Variants in TLK1 observed in about 807,000 individuals in gnomAD.
TLK1 encodes the protein serine/threonine-protein kinase tousled-like 1.
Under a neutral mutation model 105.3 loss-of-function variants are expected in TLK1, and 24 were observed. The observed-to-expected ratio is 0.23, with a 90% confidence interval of 0.17 to 0.32. TLK1 has a LOEUF of 0.32. Among genes scored for constraint, TLK1 ranks in the 10% least tolerant of loss-of-function variants. TLK1 has a pLI of 1.00. For synonymous variants in TLK1, 321 were observed against 310.4 expected, an observed-to-expected ratio of 1.03 and a Z score of -0.36; for missense variants, 558 against 910.5, an observed-to-expected ratio of 0.61 and a Z score of 4.98.
At chr2:171,080,888 T>C (rs1688721591) in intron 3 of TLK1, among the ~76,000 whole-genome samples, 1 of 152,074 alleles carries the variant, frequency 6.6e-6, no homozygotes, top group African/African-American at 2.4e-5. Context: ...TTTGTGTTTC[T>C]TGTAGAAATG....
At chr2:171,033,451 G>A (rs969368420) in intron 11 of TLK1, among the ~76,000 whole-genome samples, 2 of 151,556 alleles carry the variant, frequency 1.3e-5, no homozygotes, top group Non-Finnish European at 2.9e-5. Flanking sequence ...GCAAAAGGTG[G>A]GGTTGGTTAA....
At chr2:170,994,774 TATAA>T (rs1315370665) in intron 20 of TLK1, 2 of 480,354 alleles carry the variant, frequency 4.2e-6, no homozygotes, top group African/African-American at 4.0e-5. Flanking sequence ...TTGAATTTTA[TATAA>T]ATAGAATTAT....
chr2:171,094,381 G>C (rs923702270), intron 2 of TLK1, among the ~76,000 whole-genome samples: 4 of 151,898 alleles, frequency 2.6e-5, no homozygotes, highest in African/African-American at 9.7e-5. Context: ...GTTTTCAGAA[G>C]GGAGGAAACA....
chr2:171,211,110 A>G (rs1158208605), intron 1 of TLK1, among the ~76,000 whole-genome samples: 6 of 152,200 alleles, frequency 3.9e-5, no homozygotes, highest in African/African-American at 1.4e-4. Context: ...GCCCCATGTT[A>G]CATTCTTAGA....
At chr2:171,126,941 A>G (rs994403641) in intron 1 of TLK1, among the ~76,000 whole-genome samples, 73 of 152,066 alleles carry the variant, frequency 4.8e-4, no homozygotes, top group East Asian at 7.7e-4. Context: ...CCTTTTCATT[A>G]GTTTTTTTTA....
At chr2:171,047,512 T>C (rs576999591) in intron 10 of TLK1, among the ~76,000 whole-genome samples, 29 of 152,106 alleles carry the variant, frequency 1.9e-4, no homozygotes, top group African/African-American at 4.6e-4. Context: ...CAGAATATGA[T>C]AGGAGTGAAA....
chr2:171,216,393 A>G (rs906963634), intron 1 of TLK1, among the ~76,000 whole-genome samples: 14 of 152,120 alleles, frequency 9.2e-5, no homozygotes, highest in Non-Finnish European at 1.3e-4. Context: ...GGAGAATGGC[A>G]TGAACCCGGG....
chr2:171,194,501 A>G (rs544527227), intron 1 of TLK1, among the ~76,000 whole-genome samples: 1 of 152,316 alleles, frequency 6.6e-6, no homozygotes, highest in African/African-American at 2.4e-5. Flanking sequence ...AGTGAAATAA[A>G]ATTTGAATAA....
intron 10 of TLK1, among the ~76,000 whole-genome samples, chr2:171,047,181 C>A (rs1474973443): frequency 3.3e-5 from 5 of 152,148 alleles, no homozygotes; most frequent in Non-Finnish European, 7.4e-5. Context: ...CGAATAGATA[C>A]CATGTCTATT....
chr2:171,002,354 G>A (rs1460254277), intron 18 of TLK1, among the ~76,000 whole-genome samples: 1 of 152,038 alleles, frequency 6.6e-6, no homozygotes, highest in Non-Finnish European at 1.5e-5. Context: ...CGCCTCCCGG[G>A]TTCATGCCAT....
rs536046568 is a variant in TLK1 at position 171,003,144 on chromosome 2, G to A, written c.1904+3003C>T. On this transcript the variant is annotated intron_variant, in intron 18 of 20. Transcript: ENST00000431350. Reference sequence around the variant, plus strand: ...AAAAAATTGGCCAGGTGTGGTGGCAGGTACCTGTGGTCCCGGCTGCTCAGG... The same window carrying A: ...AAAAAATTGGCCAGGTGTGGTGGCAAGTACCTGTGGTCCCGGCTGCTCAGG... 2.0e-5 allele frequency among the ~76,000 whole-genome samples: 3 copies of A among 151,728 alleles called. No individual in the cohort carries two copies. The South Asian group carries it at 6.3e-4, about 32-fold the overall frequency.
chr2:171,019,285 T>C (rs1285058996), intron 12 of TLK1, among the ~76,000 whole-genome samples: 1 of 152,202 alleles, frequency 6.6e-6, no homozygotes, highest in East Asian at 1.9e-4. Flanking sequence ...GCTGTAGCAA[T>C]GTAGAATTTC....
At chr2:171,160,990 A>G (rs1250561085), upstream of TLK1, 67 of 131,506 alleles carry the variant, frequency 5.1e-4, no homozygotes, top group African/African-American at 1.5e-3. This position sits in a 1 kb window ranked among gnomAD's most constrained non-coding sequence, Gnocchi z 4.4. Context: ...CGGCGGCGGC[A>G]GCGGCGGCCG....
intron 3 of TLK1, among the ~76,000 whole-genome samples, chr2:171,073,351 G>A (rs1311088300): frequency 6.6e-6 from 1 of 151,752 alleles, no homozygotes. Flanking sequence ...TTTTTTAAAG[G>A]GTAACATTTA....
At chr2:170,998,089 T>TCTATCTATCTAC (rs1334241211) in intron 18 of TLK1, among the ~76,000 whole-genome samples, 2 of 101,718 alleles carry the variant, frequency 2.0e-5, no homozygotes, top group African/African-American at 9.8e-5. Context: ...TATCTATCTA[T>TCTATCTATCTAC]CTACCTACCT....
rs1352996530 is a variant in TLK1, at chr2:171,121,517, C to T, written c.140-3660G>A. On this transcript the variant is annotated intron_variant, in intron 1 of 20. Coordinates refer to ENST00000431350, the MANE Select transcript of TLK1 (RefSeq NM_012290.5). The stretch of plus-strand genomic sequence containing the variant: ...CTGCACTCCACGCTGGGTGACACAG[C>T]GAGAACCTGTCTCAAATAATACTTA... Among the ~76,000 whole-genome samples the T allele has an allele frequency of 2.0e-5, 3 of 152,094 alleles. 1 individual carries two copies. The highest frequency in any genetic ancestry group is 1.3e-4 in the Admixed American group (2 of 15,260).
intron 11 of TLK1, among the ~76,000 whole-genome samples, chr2:171,044,372 A>G (rs1686838541): frequency 6.6e-6 from 1 of 152,240 alleles, no homozygotes; most frequent in Admixed American, 6.5e-5. Context: ...GAACACAGAA[A>G]AGGGGCAAAG....
At chr2:171,025,392 T>C (rs1685726055) in intron 12 of TLK1, among the ~76,000 whole-genome samples, 1 of 152,216 alleles carries the variant, frequency 6.6e-6, no homozygotes, top group Admixed American at 6.5e-5. Flanking sequence ...ACTTTGGTCC[T>C]TCAGTGCTAA....
rs139508898 is a variant in TLK1, at chr2:171,217,646, G to A, written c.-6+13499C>T. On this transcript the variant is annotated intron_variant, in intron 1 of 20. Transcript: ENST00000521943. The stretch of plus-strand genomic sequence containing the variant: ...GAGAAAGCACTCTGAACATGCTTCA[G>A]ACATTAACATCTAATGAAAGCTTAT... Among the ~76,000 whole-genome samples the A allele has an allele frequency of 7.2e-5, 11 of 152,320 alleles. No individual in the cohort carries two copies. The East Asian group carries it at 2.1e-3, about 29-fold the overall frequency.
Sources: allele counts gnomAD v4.1 joint callset (sites outside exome capture counted in the v4.1 genomes callset), GRCh38; gene constraint gnomAD v4.1.1; non-coding constraint Gnocchi (gnomAD v3.1); transcripts MANE v1.5; gene names NCBI Gene and HGNC (gene_info 2026-07-23, HGNC 2026-07-21).